The following TMEM14A variants were observed in gnomAD, a reference collection of about 807,000 sequenced individuals.
The protein encoded by TMEM14A is transmembrane protein 14A.
TMEM14A carries 8 observed loss-of-function variants against 11.6 expected under a neutral mutation model. That is an observed-to-expected ratio of 0.69 (90% CI 0.40 to 1.24). The LOEUF is 1.24. TMEM14A is among the 50% of genes most tolerant of loss of function. TMEM14A has a pLI of 0.01. For missense variants in TMEM14A, 108 were observed against 121.9 expected, an observed-to-expected ratio of 0.89 and a Z score of 0.54; for synonymous variants, 34 against 45.5, an observed-to-expected ratio of 0.75 and a Z score of 1.02.
At chr6:52,672,221 G>C (rs1457454953) in intron 1 of TMEM14A, among the ~76,000 whole-genome samples, 1 of 152,130 alleles carries the variant, frequency 6.6e-6, no homozygotes, top group Admixed American at 6.5e-5. Flanking sequence ...GCTGTGAGGA[G>C]GACAAAGATA....
chr6:52,673,298 C>G (rs1006301808), intron 1 of TMEM14A, among the ~76,000 whole-genome samples: 5 of 152,132 alleles, frequency 3.3e-5, no homozygotes, highest in Non-Finnish European at 7.3e-5. Context: ...GAGCCCCTGC[C>G]CCACCTGTCC....
rs537103515 is a variant in TMEM14A at position 52,680,601 on chromosome 6, A to G, written c.71-1212A>G. On this transcript the variant is annotated intron_variant, in intron 2 of 4. Coordinates refer to ENST00000211314, the MANE Select transcript of TMEM14A (RefSeq NM_014051.4). ...ACTATATATTTATATATTTATATAT[A>G]TATATATATATGTATATATATGTGT... Among the ~76,000 whole-genome samples, 165 of 124,856 alleles carry G rather than the reference A, an allele frequency of 1.3e-3. 2 individuals carry two copies. Among genetic ancestry groups the G allele is most frequent in the African/African-American group, 4.1e-3 (151 of 36,636 alleles). The allele number at this position is 124,856 out of a possible 152,430, so 81.9% of individuals were successfully genotyped here. A position where few individuals can be genotyped will look rare whatever the true frequency, so the allele number is the denominator to read the frequency against.
intron 1 of TMEM14A, among the ~76,000 whole-genome samples, chr6:52,673,704 G>A (rs1357056038): frequency 6.6e-6 from 1 of 152,124 alleles, no homozygotes; most frequent in Non-Finnish European, 1.5e-5. Flanking sequence ...CAGCTGTGTT[G>A]TACTATAGTT....
intron 1 of TMEM14A, among the ~76,000 whole-genome samples, chr6:52,671,784 G>T (rs1365853058): frequency 6.6e-6 from 1 of 152,180 alleles, no homozygotes; most frequent in African/African-American, 2.4e-5. Context: ...TTGCTGCATT[G>T]CATCCAAGAT....
At position 52,686,391 on chromosome 6, in the gene TMEM14A, T is replaced by C. The variant is rs1769494948; in HGVS notation, c.*342T>C. 1 of 385,540 alleles carries C rather than the reference T, an allele frequency of 2.6e-6. No individual in the cohort carries two copies. The highest frequency in any genetic ancestry group is 2.1e-5 in the African/African-American group (1 of 48,350). The allele number at this position is 385,540 out of a possible 1,614,324, so 23.9% of individuals were successfully genotyped here. A position where few individuals can be genotyped will look rare whatever the true frequency, so the allele number is the denominator to read the frequency against. The stretch of plus-strand genomic sequence containing the variant: ...TACAACTTGTCACATAAAGGAAGTC[T>C]TAAGTGGAGTTCACAGAATGATAAT... On this transcript the variant is annotated 3_prime_UTR_variant, in exon 5 of 5. Coordinates refer to ENST00000211314, the MANE Select transcript of TMEM14A (RefSeq NM_014051.4).
At chr6:52,681,776 A>T in intron 2 of TMEM14A, 37 bp from the exon 3 acceptor site, 1 of 1,549,576 alleles carries the variant, frequency 6.5e-7, no homozygotes, top group Non-Finnish European at 8.9e-7. Context: ...TCCTTTTGGG[A>T]TTCTCTTTGT....
At position 52,684,638 on chromosome 6, in the gene TMEM14A, T is replaced by C. The variant is rs1207678524; in HGVS notation, c.260+473T>C. Among the ~76,000 whole-genome samples, 5 of 152,348 alleles carry C rather than the reference T, an allele frequency of 3.3e-5. No individual in the cohort carries two copies. In the East Asian group the frequency reaches 7.7e-4, roughly 23 times the overall value. On this transcript the variant is annotated intron_variant, in intron 4 of 4. Transcript: ENST00000211314. Reference sequence around the variant, plus strand: ...AAAAGATAAACAGAGGGCCTCAAGTTTCTCTTAATTTGATCCAGTAATTCT... The same window carrying C: ...AAAAGATAAACAGAGGGCCTCAAGTCTCTCTTAATTTGATCCAGTAATTCT...
chr6:52,671,471 AT>A (rs1769160282), intron 1 of TMEM14A, among the ~76,000 whole-genome samples: 1 of 151,764 alleles, frequency 6.6e-6, no homozygotes, highest in African/African-American at 2.4e-5. Flanking sequence ...ATCCCTAAAT[AT>A]CCCACCTATC....
intron 1 of TMEM14A, among the ~76,000 whole-genome samples, chr6:52,671,563 C>T (rs993978652): frequency 2.0e-5 from 3 of 152,158 alleles, no homozygotes; most frequent in Admixed American, 1.3e-4. Context: ...TTTTAACCTT[C>T]TCAGCACCAC....
At chr6:52,679,968 T>G (rs1047411531) in intron 2 of TMEM14A, among the ~76,000 whole-genome samples, 5 of 152,036 alleles carry the variant, frequency 3.3e-5, no homozygotes, top group Admixed American at 2.6e-4. Flanking sequence ...ACCTTAATGG[T>G]CACCTAGTTG....
rs563088695 is a variant in TMEM14A at position 52,680,240 on chromosome 6, G to A, written c.71-1573G>A. Reference sequence around the variant, plus strand: ...GGCCCTTGTTCAGAATGGTGGGTTGGAGAAGACAACACTTAAGCAGACATC... The same window carrying A: ...GGCCCTTGTTCAGAATGGTGGGTTGAAGAAGACAACACTTAAGCAGACATC... On this transcript the variant is annotated intron_variant, in intron 2 of 4. Coordinates refer to ENST00000211314, the MANE Select transcript of TMEM14A (RefSeq NM_014051.4). 5.9e-5 allele frequency among the ~76,000 whole-genome samples: 9 copies of A among 151,970 alleles called. No individual in the cohort carries two copies. The South Asian group carries it at 1.9e-3, about 32-fold the overall frequency.
At chr6:52,673,081 C>T (rs1769191610) in intron 1 of TMEM14A, among the ~76,000 whole-genome samples, 1 of 152,206 alleles carries the variant, frequency 6.6e-6, no homozygotes, top group Non-Finnish European at 1.5e-5. Context: ...TGCACATGCG[C>T]TCCCTTCTGC....
At chr6:52,680,693 A>ATATATATATATATATACATATATGTG (rs1769368774) in intron 2 of TMEM14A, among the ~76,000 whole-genome samples, 1 of 31,476 alleles carries the variant, frequency 3.2e-5, no homozygotes, top group Admixed American at 2.4e-4. Flanking sequence ...ACATATATGT[A>ATATATATATATATATACATATATGTG]TATATATATA....
At chr6:52,680,707 A>ATATATGTG (rs1305349150) in intron 2 of TMEM14A, among the ~76,000 whole-genome samples, 12 of 118,328 alleles carry the variant, frequency 1.0e-4, no homozygotes, top group Non-Finnish European at 1.4e-4. Flanking sequence ...ATATATATAC[A>ATATATGTG]CATATATATA....
chr6:52,683,914 A>G (rs1281022045), intron 3 of TMEM14A, among the ~76,000 whole-genome samples, 164 bp from the exon 4 acceptor site: 1 of 152,210 alleles, frequency 6.6e-6, no homozygotes, highest in Admixed American at 6.5e-5. Flanking sequence ...TGGCCCGGCC[A>G]TGAAGTGTTT....
At chr6:52,679,254 G>T (rs2127263576) in intron 2 of TMEM14A, among the ~76,000 whole-genome samples, 1 of 152,306 alleles carries the variant, frequency 6.6e-6, no homozygotes, top group African/African-American at 2.4e-5. Flanking sequence ...CTCCCAGGTA[G>T]GTCTCCAGAG....
chr6:52,683,702 C>T (rs1769437602), intron 3 of TMEM14A, among the ~76,000 whole-genome samples: 1 of 151,294 alleles, frequency 6.6e-6, no homozygotes, highest in African/African-American at 2.4e-5. Context: ...ACCTCTGCCT[C>T]CCCGGTTCAA....
At chr6:52,673,526 C>T (rs942679373) in intron 1 of TMEM14A, among the ~76,000 whole-genome samples, 4 of 152,176 alleles carry the variant, frequency 2.6e-5, no homozygotes, top group Non-Finnish European at 4.4e-5. Context: ...GAACCTGTTG[C>T]CTTCCTTATT....
intron 2 of TMEM14A, among the ~76,000 whole-genome samples, chr6:52,680,609 A>ATATATATATG (rs1554137438): frequency 9.6e-6 from 1 of 103,854 alleles, no homozygotes; most frequent in Non-Finnish European, 1.9e-5. Flanking sequence ...ATATATATAT[A>ATATATATATG]TATGTATATA....
Sources: gnomAD v4.1 joint callset for allele counts (sites outside exome capture counted in the v4.1 genomes callset) on GRCh38, gnomAD v4.1.1 for gene constraint, MANE v1.5 for transcripts, NCBI Gene and HGNC (gene_info 2026-07-23, HGNC 2026-07-21) for gene names.